EPHA6: variants seen among roughly 807,000 people sequenced by gnomAD.
The protein encoded by EPHA6 is ephrin type-A receptor 6.
In EPHA6, 50 loss-of-function variants were observed where a neutral mutation model predicts 112.0. That is an observed-to-expected ratio of 0.45 (90% CI 0.36 to 0.56). The LOEUF is 0.56. EPHA6 is among the 20% of genes least tolerant of loss of function. The probability of loss-of-function intolerance (pLI) is 0.00; values close to 1 mark genes in which losing one functional copy is unlikely to be tolerated. For missense variants in EPHA6, 1,280 were observed against 1,417.4 expected, an observed-to-expected ratio of 0.90 and a Z score of 1.56; for synonymous variants, 529 against 490.7, an observed-to-expected ratio of 1.08 and a Z score of -1.03.
intron 5 of EPHA6, among the ~76,000 whole-genome samples, chr3:97,273,910 T>G (rs1202014083): frequency 6.6e-6 from 1 of 152,128 alleles, no homozygotes; most frequent in Non-Finnish European, 1.5e-5. Flanking sequence ...GTTTTCTGAC[T>G]CGGGGCATGT....
intron 10 of EPHA6, among the ~76,000 whole-genome samples, chr3:97,521,903 G>A (rs1040991250): frequency 2.1e-5 from 3 of 140,182 alleles, no homozygotes; most frequent in Non-Finnish European, 3.0e-5. Flanking sequence ...CTACCAAACT[G>A]TCTTCTGGAG....
At chr3:97,210,243 G>T (rs2077831539) in intron 3 of EPHA6, among the ~76,000 whole-genome samples, 1 of 152,150 alleles carries the variant, frequency 6.6e-6, no homozygotes, top group Non-Finnish European at 1.5e-5. Context: ...CAGTCTGCAT[G>T]GCTGGAGAGG....
intron 14 of EPHA6, among the ~76,000 whole-genome samples, 186 bp downstream of exon 14, chr3:97,638,268 G>C (rs1258885685): frequency 6.6e-6 from 1 of 152,058 alleles, no homozygotes; most frequent in African/African-American, 2.4e-5. Flanking sequence ...CAACAAAAAA[G>C]AAAACAAAAA....
At chr3:97,034,921 G>A (rs1217506672) in intron 3 of EPHA6, among the ~76,000 whole-genome samples, 2 of 151,812 alleles carry the variant, frequency 1.3e-5, no homozygotes, top group African/African-American at 2.4e-5. Flanking sequence ...TCATTATACT[G>A]TTTGGTAAAA....
intron 8 of EPHA6, among the ~76,000 whole-genome samples, chr3:97,477,410 TAGAGAA>T (rs752335767): frequency 4.6e-4 from 60 of 130,044 alleles, no homozygotes; most frequent in Non-Finnish European, 6.0e-4. Context: ...CAGTTATGGT[TAGAGAA>T]AGAGAAAGAG....
chr3:96,928,605 G>A (rs1026523529), intron 2 of EPHA6, among the ~76,000 whole-genome samples: 1 of 152,148 alleles, frequency 6.6e-6, no homozygotes, highest in Non-Finnish European at 1.5e-5. Flanking sequence ...TTATTTTTGG[G>A]TGGAGAGTTC....
intron 2 of EPHA6, among the ~76,000 whole-genome samples, chr3:96,937,384 T>A (rs929725256): frequency 4.6e-5 from 7 of 152,194 alleles, no homozygotes; most frequent in African/African-American, 1.2e-4. Context: ...TTCATGTGTT[T>A]TTTGGCTGCA....
intron 5 of EPHA6, among the ~76,000 whole-genome samples, chr3:97,387,775 T>G (rs1038802700): frequency 2.0e-5 from 3 of 152,184 alleles, no homozygotes; most frequent in Non-Finnish European, 4.4e-5. Flanking sequence ...TTTTCTGTAT[T>G]AATCCATTCT....
At chr3:96,882,722 T>TTG (rs1277937134) in intron 2 of EPHA6, among the ~76,000 whole-genome samples, 3 of 135,946 alleles carry the variant, frequency 2.2e-5, no homozygotes, top group African/African-American at 5.5e-5. Context: ...TAGTATTCCA[T>TTG]TGTGTGTCTG....
intron 15 of EPHA6, among the ~76,000 whole-genome samples, chr3:97,721,116 A>G (rs865808748): frequency 2.2e-4 from 33 of 152,126 alleles, no homozygotes; most frequent in African/African-American, 8.0e-4. Context: ...GGCTTTGTCT[A>G]CTCACCTGTT....
chr3:96,939,353 G>A (rs2040799571), intron 2 of EPHA6, among the ~76,000 whole-genome samples: 1 of 152,172 alleles, frequency 6.6e-6, no homozygotes, highest in Non-Finnish European at 1.5e-5. Flanking sequence ...ATGTGTCGAG[G>A]AATTTATCCA....
At chr3:97,228,640 G>C (rs557721081) in intron 4 of EPHA6, among the ~76,000 whole-genome samples, 1 of 151,514 alleles carries the variant, frequency 6.6e-6, no homozygotes, top group African/African-American at 2.4e-5. Flanking sequence ...ATTTGGACTG[G>C]TTCAACATTT....
At chr3:97,017,878 A>G (rs896003698) in intron 3 of EPHA6, among the ~76,000 whole-genome samples, 1 of 151,500 alleles carries the variant, frequency 6.6e-6, no homozygotes, top group Non-Finnish European at 1.5e-5. Flanking sequence ...TAAACTTTCT[A>G]TGCCTATCTT....
intron 12 of EPHA6, among the ~76,000 whole-genome samples, chr3:97,600,128 C>A (rs1439085517): frequency 6.6e-6 from 1 of 150,468 alleles, no homozygotes; most frequent in Non-Finnish European, 1.5e-5. Flanking sequence ...TATCCTGAGA[C>A]TTTGCTGAAG....
At chr3:97,427,821 G>A (rs2089250369) in intron 6 of EPHA6, among the ~76,000 whole-genome samples, 1 of 151,686 alleles carries the variant, frequency 6.6e-6, no homozygotes, top group Non-Finnish European at 1.5e-5. Flanking sequence ...TACAGGAGGA[G>A]AAAACCAAAT....
At chr3:97,391,998 A>G (rs928651891) in intron 5 of EPHA6, among the ~76,000 whole-genome samples, 2 of 151,836 alleles carry the variant, frequency 1.3e-5, no homozygotes, top group African/African-American at 4.8e-5. Flanking sequence ...TCTAATTTTC[A>G]TAAAGCTTCA....
chr3:97,177,895 A>T (rs75234197), intron 3 of EPHA6, among the ~76,000 whole-genome samples: 2,179 of 151,978 alleles, frequency 0.014, 67 homozygotes, highest in African/African-American at 0.05. Context: ...TTGTTTTTTC[A>T]TCCATTTAGC....
chr3:97,138,076 T>G (rs1407412771), intron 3 of EPHA6, among the ~76,000 whole-genome samples: 2 of 152,140 alleles, frequency 1.3e-5, no homozygotes, highest in East Asian at 1.9e-4. Context: ...AGCTTCCTGC[T>G]TGGACACCAG....
At chr3:97,063,811 G>T (rs926279360) in intron 3 of EPHA6, among the ~76,000 whole-genome samples, 22 of 152,164 alleles carry the variant, frequency 1.4e-4, no homozygotes, top group African/African-American at 5.3e-4. Context: ...GTACACTTCT[G>T]ACAGAGCTTA....
Sources: allele counts gnomAD v4.1 joint callset (sites outside exome capture counted in the v4.1 genomes callset), GRCh38; gene constraint gnomAD v4.1.1; transcripts MANE v1.5; gene names NCBI Gene and HGNC (gene_info 2026-07-23, HGNC 2026-07-21).